The following STARD9 variants were observed in gnomAD, a reference collection of about 807,000 sequenced individuals.
STARD9 encodes StAR related lipid transfer domain containing 9, also known as stAR-related lipid transfer protein 9.
STARD9 carries 346 observed loss-of-function variants against 399.8 expected under a neutral mutation model. The observed-to-expected ratio is 0.87, with a 90% CI of 0.79 to 0.95. The LOEUF is 0.95. Ranked by LOEUF, STARD9 falls within the 40% of genes least tolerant of loss-of-function variation. The probability of loss-of-function intolerance (pLI) is 0.00; values close to 1 mark genes in which losing one functional copy is unlikely to be tolerated. For missense variants in STARD9, 5,832 were observed against 5,667.5 expected, an observed-to-expected ratio of 1.03 and a Z score of -0.93; for synonymous variants, 2,203 against 2,143.5, an observed-to-expected ratio of 1.03 and a Z score of -0.77.
intron 16 of STARD9, chr15:42,670,916 T>C (rs1245813434): frequency 1.3e-5 from 2 of 151,874 alleles, no homozygotes. Context: ...CAGAGAGAGG[T>C]TGGAGGTCAG....
At chr15:42,676,724 C>G (rs577223469) in intron 20 of STARD9, among the ~76,000 whole-genome samples, 2 of 152,252 alleles carry the variant, frequency 1.3e-5, no homozygotes, top group South Asian at 2.1e-4. Context: ...AAAGTGACCT[C>G]TGCCTTAGAG....
At chr15:42,597,057 C>T (rs1446853817) in intron 3 of STARD9, among the ~76,000 whole-genome samples, 2 of 152,088 alleles carry the variant, frequency 1.3e-5, no homozygotes, top group African/African-American at 2.4e-5. Flanking sequence ...CCTGTTTATA[C>T]TTTTGTTTTG....
At chr15:42,612,835 T>C (rs2058878525) in intron 3 of STARD9, among the ~76,000 whole-genome samples, 1 of 151,818 alleles carries the variant, frequency 6.6e-6, no homozygotes. Context: ...AGTACAAAAA[T>C]TGGCAGGGTG....
At chr15:42,658,315 G>A (rs2059918079) in intron 9 of STARD9, among the ~76,000 whole-genome samples, 1 of 144,284 alleles carries the variant, frequency 6.9e-6, no homozygotes, top group African/African-American at 2.8e-5. Flanking sequence ...GTGTGTGTGT[G>A]TGTACACTTA....
At chr15:42,588,092 C>T (rs1434922643) in intron 3 of STARD9, among the ~76,000 whole-genome samples, 1 of 152,148 alleles carries the variant, frequency 6.6e-6, no homozygotes, top group Non-Finnish European at 1.5e-5. Context: ...CTGTTTGAGA[C>T]CTGCCTGGCC....
chr15:42,704,433 A>G (rs1042520323), intron 26 of STARD9, among the ~76,000 whole-genome samples: 27 of 152,132 alleles, frequency 1.8e-4, no homozygotes, highest in East Asian at 1.9e-4. Context: ...ATGTGTGTCA[A>G]TATCTGGGCA....
At chr15:42,609,922 A>G (rs1315943498) in intron 3 of STARD9, among the ~76,000 whole-genome samples, 4 of 151,824 alleles carry the variant, frequency 2.6e-5, no homozygotes, top group Admixed American at 6.6e-5. Flanking sequence ...GCAAAACCCT[A>G]TCTCTACTAA....
chr15:42,664,769 T>C (rs182260499), intron 13 of STARD9, among the ~76,000 whole-genome samples: 47 of 150,004 alleles, frequency 3.1e-4, no homozygotes, highest in Admixed American at 2.5e-3. Context: ...TATGAATTCA[T>C]TGGTTTTTGT....
intron 26 of STARD9, among the ~76,000 whole-genome samples, chr15:42,714,604 G>C (rs1307307337): frequency 6.6e-6 from 1 of 151,814 alleles, no homozygotes; most frequent in African/African-American, 2.4e-5. Context: ...TTTCTTCCTT[G>C]ATTCAATTGT....
rs1469799573 is a variant in STARD9, at chr15:42,684,599, C to T, written c.3021C>T (p.Cys1007=). Residue 1007 remains cysteine (C), a synonymous_variant, in exon 23 of 33, where the codon TGC becomes TGT. Coordinates refer to ENST00000290607, the MANE Select transcript of STARD9 (RefSeq NM_020759.3). The part of the protein sequence containing the change: ...GTHKAAKGAS[C]NSLYPHGPRQ... ...ACAAGGCTGCTAAGGGAGCCAGTTG[C>T]AATTCCTTGTATCCTCATGGACCCA... 6.5e-7 allele frequency: 1 copy of T among 1,537,240 alleles called. No individual in the cohort carries two copies. Among genetic ancestry groups the T allele is most frequent in the Non-Finnish European group, 8.7e-7 (1 of 1,146,912 alleles).
intron 3 of STARD9, 87 bp from the exon 4 acceptor site, chr15:42,634,769 T>A: frequency 1.6e-6 from 1 of 634,968 alleles, no homozygotes; most frequent in Non-Finnish European, 2.6e-6. Flanking sequence ...TTGAAATATT[T>A]TATATTTTTT....
chr15:42,584,977 A>G (rs947324326), intron 2 of STARD9, among the ~76,000 whole-genome samples: 4 of 152,238 alleles, frequency 2.6e-5, no homozygotes, highest in Non-Finnish European at 4.4e-5. Flanking sequence ...AGCTGGCTTC[A>G]TGTGATGGGT....
chr15:42,704,240 C>G (rs2061027805), intron 26 of STARD9, among the ~76,000 whole-genome samples: 1 of 152,144 alleles, frequency 6.6e-6, no homozygotes, highest in Admixed American at 6.5e-5. Context: ...TGTAAAGTTT[C>G]TCTCATAGAT....
intron 3 of STARD9, among the ~76,000 whole-genome samples, chr15:42,621,171 A>AT (rs1005668887): frequency 2.6e-5 from 4 of 152,040 alleles, no homozygotes; most frequent in Non-Finnish European, 4.4e-5. Context: ...TGTCTGCCAG[A>AT]TTTTTTTCAC....
rs1292438876 is a variant in STARD9 at position 42,687,123 on chromosome 15, T to A, written c.5545T>A (p.Ser1849Thr). Residue 1849 changes from serine to threonine, a missense_variant, in exon 23 of 33, where the codon TCT becomes ACT. By Grantham distance (58) the Ser-to-Thr change is moderately conservative (BLOSUM62 1). Coordinates refer to ENST00000290607, the MANE Select transcript of STARD9 (RefSeq NM_020759.3). ...AGAAGAAAGCCATGATTCAGTTTAT[T>A]CTTCTGTTACTCAGAACAGACATTT... ...ITEESHDSVY[S>T]SVTQNRHFLP... 2 of 1,537,078 alleles carry A rather than the reference T, an allele frequency of 1.3e-6. No homozygotes were observed. The highest frequency in any genetic ancestry group is 1.7e-6 in the Non-Finnish European group (2 of 1,146,890).
Position 42,662,868 on chromosome 15 carries a change from T to C in STARD9, c.845T>C (p.Leu282Pro), listed in dbSNP as rs770381083. The change falls in exon 11 of 33, where the codon CTA becomes CCA. Residue 282 changes from leucine to proline, a missense_variant. Leu to Pro is a moderately conservative substitution (Grantham distance 98). This residue lies in a region of STARD9 where 5,828 missense variants were observed against 5,651.1 expected (regional missense o/e 1.03). Coordinates refer to ENST00000290607, the MANE Select transcript of STARD9 (RefSeq NM_020759.3). Reference protein sequence around the residue: ...GANINKSLVTLGIVISTLAQN... With the variant: ...GANINKSLVTPGIVISTLAQN... ...AATATCAACAAGTCCCTTGTGACTC[T>C]AGGAATTGTCATCTCCACCTTAGGT... 116 of 1,536,840 alleles carry C rather than the reference T, an allele frequency of 7.5e-5. No individual in the cohort carries two copies. The highest frequency in any genetic ancestry group is 9.6e-5 in the Non-Finnish European group (110 of 1,146,474).
intron 9 of STARD9, among the ~76,000 whole-genome samples, chr15:42,653,063 G>T (rs754419076): frequency 6.6e-6 from 1 of 152,128 alleles, no homozygotes; most frequent in Non-Finnish European, 1.5e-5. Flanking sequence ...CACACAATCC[G>T]TTAAGCTATA....
intron 3 of STARD9, among the ~76,000 whole-genome samples, chr15:42,595,686 T>C (rs181996302): frequency 2.4e-4 from 36 of 152,350 alleles, no homozygotes; most frequent in Admixed American, 6.5e-4. Context: ...CATGAATATT[T>C]GCAGAGCTTT....
chr15:42,598,000 A>ATATGTGTGTG (rs1555388916), intron 3 of STARD9, among the ~76,000 whole-genome samples: 32 of 115,110 alleles, frequency 2.8e-4, no homozygotes, highest in African/African-American at 4.5e-4. Flanking sequence ...GTATATATAT[A>ATATGTGTGTG]TGTGTGTGTG....
Sources: gnomAD v4.1 joint callset for allele counts (sites outside exome capture counted in the v4.1 genomes callset) on GRCh38, gnomAD v4.1.1 for gene constraint, gnomAD v4.1.1 regional missense constraint, MANE v1.5 for transcripts, NCBI Gene and HGNC (gene_info 2026-07-23, HGNC 2026-07-21) for gene names.